The following RABGAP1L variants were observed in gnomAD, a reference collection of about 807,000 sequenced individuals.
RABGAP1L encodes the protein rab GTPase-activating protein 1-like.
Under a neutral mutation model 137.7 loss-of-function variants are expected in RABGAP1L, and 63 were observed. The observed-to-expected ratio is 0.46, with a 90% CI of 0.37 to 0.56. The LOEUF is 0.56. Ranked by LOEUF, RABGAP1L falls within the 20% of genes least tolerant of loss-of-function variation. The pLI, the probability that RABGAP1L is intolerant of heterozygous loss-of-function variation, is 0.00. For missense variants in RABGAP1L, 1,095 were observed against 1,244.0 expected (o/e 0.88, Z 1.80); for synonymous variants, 431 against 433.7 (o/e 0.99, Z 0.08).
chr1:174,981,629 G>C (rs1231733000), intron 23 of RABGAP1L, among the ~76,000 whole-genome samples: 1 of 119,134 alleles, frequency 8.4e-6, no homozygotes, highest in Non-Finnish European at 1.6e-5. Flanking sequence ...GCAGTGGTCT[G>C]AACACAGCTC....
chr1:174,465,526 A>G (rs1481160245), intron 13 of RABGAP1L, among the ~76,000 whole-genome samples: 3 of 152,154 alleles, frequency 2.0e-5, no homozygotes, highest in Non-Finnish European at 4.4e-5. Context: ...TGTGCAAGTC[A>G]TTGTTTAGGT....
rs1200469812 is a variant in RABGAP1L, at chr1:174,976,062, G to T, written c.2545-16G>T. 2.0e-6 allele frequency: 3 copies of T among 1,489,182 alleles called. No individual in the cohort carries two copies. The Admixed American group carries it at 5.9e-5, about 29-fold the overall frequency. 92.2% of individuals were successfully genotyped at this position (1,489,182 alleles called of 1,614,324 possible). A position where few individuals can be genotyped will look rare whatever the true frequency, so the allele number is the denominator to read the frequency against. On this transcript the variant is annotated splice_polypyrimidine_tract_variant and intron_variant, in intron 21 of 25. Coordinates refer to ENST00000681986, the MANE Select transcript of RABGAP1L (RefSeq NM_001366446.1). ...TATGACTGTGATGTATGACTGTGAT[G>T]CACCATGATTTGCAGGCAGAAGACA...
intron 19 of RABGAP1L, among the ~76,000 whole-genome samples, chr1:174,829,411 C>CAAT (rs1417631720): frequency 1.4e-5 from 2 of 148,046 alleles, no homozygotes; most frequent in Non-Finnish European, 3.0e-5. Context: ...AGGGCTCATG[C>CAAT]AATATAAATT....
intron 10 of RABGAP1L, among the ~76,000 whole-genome samples, chr1:174,280,067 G>GAGAGAC (rs1364884048): frequency 5.9e-5 from 9 of 151,500 alleles, no homozygotes; most frequent in African/African-American, 1.9e-4. Context: ...GAGAGAGAGA[G>GAGAGAC]AGAGAGAGAG....
At chr1:174,948,817 A>G (rs1175210200) in intron 19 of RABGAP1L, 2 of 152,216 alleles carry the variant, frequency 1.3e-5, no homozygotes, top group Non-Finnish European at 2.9e-5. Flanking sequence ...TAAAGGTACT[A>G]GAAGAAGTCC....
At chr1:174,650,741 C>G (rs1675407453) in intron 14 of RABGAP1L, among the ~76,000 whole-genome samples, 1 of 150,074 alleles carries the variant, frequency 6.7e-6, no homozygotes, top group Non-Finnish European at 1.5e-5. Flanking sequence ...CTTTATTAGT[C>G]TTGCTAGCGG....
chr1:174,567,036 A>G (rs1667632082), intron 13 of RABGAP1L, among the ~76,000 whole-genome samples: 1 of 152,020 alleles, frequency 6.6e-6, no homozygotes, highest in Admixed American at 6.6e-5. Flanking sequence ...TATACTGATA[A>G]GTGTATAATT....
intron 19 of RABGAP1L, among the ~76,000 whole-genome samples, chr1:174,891,626 C>T (rs1301117678): frequency 6.6e-6 from 1 of 152,148 alleles, no homozygotes; most frequent in Non-Finnish European, 1.5e-5. Flanking sequence ...CTCACCCTCC[C>T]AAGTAGCTGG....
chr1:174,724,844 T>C (rs182760303), intron 17 of RABGAP1L, among the ~76,000 whole-genome samples: 10 of 152,338 alleles, frequency 6.6e-5, no homozygotes, highest in African/African-American at 2.4e-4. Context: ...GTTTCAAGAA[T>C]GGTCTCTCTG....
At chr1:174,935,927 G>A (rs1664703963) in intron 19 of RABGAP1L, among the ~76,000 whole-genome samples, 1 of 134,294 alleles carries the variant, frequency 7.4e-6, no homozygotes, top group African/African-American at 2.9e-5. Flanking sequence ...GAGGTGGTGA[G>A]CCAAGATTGC....
intron 14 of RABGAP1L, among the ~76,000 whole-genome samples, chr1:174,679,467 A>G (rs1032683668): frequency 9.8e-5 from 15 of 152,380 alleles, no homozygotes; most frequent in Middle Eastern, 6.8e-3. Context: ...TGTAGCTAAC[A>G]TTATACTTCA....
At chr1:174,949,051 C>G (rs1316667043) in intron 19 of RABGAP1L, among the ~76,000 whole-genome samples, 1 of 152,074 alleles carries the variant, frequency 6.6e-6, no homozygotes, top group Non-Finnish European at 1.5e-5. Context: ...TAATAATCAC[C>G]TTTTGCTTTC....
At chr1:174,189,351 T>C (rs1667042290) in intron 1 of RABGAP1L, among the ~76,000 whole-genome samples, 1 of 152,214 alleles carries the variant, frequency 6.6e-6, no homozygotes, top group Admixed American at 6.5e-5. Context: ...ATTGAAAATC[T>C]GTGGTTTAAT....
At chr1:174,223,944 A>G (rs1669970488) in intron 3 of RABGAP1L, among the ~76,000 whole-genome samples, 1 of 152,190 alleles carries the variant, frequency 6.6e-6, no homozygotes. Context: ...TTCGCTTCAC[A>G]TACCACTGGG....
At chr1:174,453,988 G>A (rs1007703494) in intron 13 of RABGAP1L, among the ~76,000 whole-genome samples, 1 of 152,088 alleles carries the variant, frequency 6.6e-6, no homozygotes, top group Non-Finnish European at 1.5e-5. Context: ...CTGAAGGCTG[G>A]GCGCGGTGGC....
chr1:174,296,665 G>C (rs1230108557), intron 10 of RABGAP1L, among the ~76,000 whole-genome samples: 1 of 152,034 alleles, frequency 6.6e-6, no homozygotes, highest in Non-Finnish European at 1.5e-5. Context: ...AAGTTCCCTT[G>C]CTTTCAGTTT....
chr1:174,779,917 T>C (rs1686822688), intron 18 of RABGAP1L, among the ~76,000 whole-genome samples: 1 of 151,816 alleles, frequency 6.6e-6, no homozygotes, highest in African/African-American at 2.4e-5. Flanking sequence ...AATACAAAAA[T>C]TAGCTTGGTG....
intron 12 of RABGAP1L, among the ~76,000 whole-genome samples, chr1:174,385,235 C>T (rs1027785709): frequency 6.6e-6 from 1 of 152,186 alleles, no homozygotes; most frequent in Non-Finnish European, 1.5e-5. Flanking sequence ...TAAGAGAGTA[C>T]TGACTGTATT....
chr1:174,427,689 C>T (rs1322632990), intron 13 of RABGAP1L, among the ~76,000 whole-genome samples: 1 of 151,754 alleles, frequency 6.6e-6, no homozygotes, highest in African/African-American at 2.4e-5. Context: ...TTTAAGCCAC[C>T]CCAATTTCTG....
Sources: gnomAD v4.1 joint callset for allele counts (sites outside exome capture counted in the v4.1 genomes callset) on GRCh38, gnomAD v4.1.1 for gene constraint, MANE v1.5 for transcripts, NCBI Gene and HGNC (gene_info 2026-07-23, HGNC 2026-07-21) for gene names.